PHF21A: variants seen among roughly 807,000 people sequenced by gnomAD.
The protein encoded by PHF21A is PHD finger protein 21A.
In PHF21A, 11 loss-of-function variants were observed where a neutral mutation model predicts 82.5. That is an observed-to-expected ratio of 0.13 (90% CI 0.08 to 0.22). The LOEUF is 0.22. Among genes scored for constraint, PHF21A ranks in the 10% least tolerant of loss-of-function variants. The pLI is 1.00. For missense variants in PHF21A, 579 were observed against 837.8 expected (o/e 0.69, Z 3.81); for synonymous variants, 297 against 302.8 (o/e 0.98, Z 0.20).
intron 6 of PHF21A, among the ~76,000 whole-genome samples, chr11:46,012,663 G>C (rs1401641733): frequency 6.6e-6 from 1 of 152,164 alleles, no homozygotes; most frequent in Admixed American, 6.5e-5. Flanking sequence ...GAACATAGTA[G>C]AGGTAAGTAA....
intron 6 of PHF21A, among the ~76,000 whole-genome samples, chr11:46,070,010 T>C (rs1366640353): frequency 1.3e-5 from 2 of 152,200 alleles, no homozygotes; most frequent in Non-Finnish European, 2.9e-5. Flanking sequence ...GAAAGAGACA[T>C]ATTAAGTTAT....
At chr11:46,070,418 C>T (rs2096643243) in intron 6 of PHF21A, among the ~76,000 whole-genome samples, 1 of 151,948 alleles carries the variant, frequency 6.6e-6, no homozygotes, top group South Asian at 2.1e-4. Context: ...GCAGCCTCTG[C>T]CTCCAGGGTT....
chr11:46,099,346 T>A (rs574174619), intron 1 of PHF21A, among the ~76,000 whole-genome samples: 7 of 152,100 alleles, frequency 4.6e-5, no homozygotes. Flanking sequence ...CCAAGAATAA[T>A]CAGAGTACTT....
At chr11:46,009,378 C>T (rs2095366090) in intron 6 of PHF21A, among the ~76,000 whole-genome samples, 1 of 152,138 alleles carries the variant, frequency 6.6e-6, no homozygotes, top group African/African-American at 2.4e-5. Context: ...AGGGTTCTGA[C>T]ACATTCCATT....
chr11:46,059,407 C>T (rs372240747), intron 6 of PHF21A, among the ~76,000 whole-genome samples: 1 of 152,096 alleles, frequency 6.6e-6, no homozygotes, highest in African/African-American at 2.4e-5. Flanking sequence ...ATAATAAGTA[C>T]AATACCAATC....
chr11:45,950,081 A>C (rs2091899760), intron 12 of PHF21A, 125 bp downstream of exon 12: 3 of 703,678 alleles, frequency 4.3e-6, no homozygotes, highest in South Asian at 4.4e-5. Flanking sequence ...AATAAAGTCC[A>C]CATTGGCTGA....
intron 6 of PHF21A, among the ~76,000 whole-genome samples, chr11:46,056,486 T>C (rs879759122): frequency 2.0e-5 from 3 of 152,106 alleles, no homozygotes; most frequent in Non-Finnish European, 2.9e-5. Flanking sequence ...AGTGAAGATT[T>C]TAAAACAAGA....
chr11:45,986,715 G>C (rs924023049), intron 6 of PHF21A, among the ~76,000 whole-genome samples: 17 of 152,188 alleles, frequency 1.1e-4, no homozygotes, highest in African/African-American at 4.1e-4. Context: ...GAAACTGTCA[G>C]GGGCAATGTG....
chr11:46,023,680 G>C (rs1329944417), intron 6 of PHF21A, among the ~76,000 whole-genome samples: 1 of 152,230 alleles, frequency 6.6e-6, no homozygotes, highest in East Asian at 1.9e-4. Context: ...TGGAGGCCAG[G>C]CGCAGTGGCT....
chr11:45,946,998 T>C (rs959890374), intron 14 of PHF21A, among the ~76,000 whole-genome samples: 2 of 152,214 alleles, frequency 1.3e-5, no homozygotes, highest in Non-Finnish European at 1.5e-5. Flanking sequence ...CCCTCCCCAG[T>C]TGACTGGCAG....
chr11:45,975,661 C>T (rs1416727109), intron 7 of PHF21A, among the ~76,000 whole-genome samples: 1 of 152,106 alleles, frequency 6.6e-6, no homozygotes, highest in Non-Finnish European at 1.5e-5. Flanking sequence ...GGAGAGTATA[C>T]CTGTATTTAA....
chr11:46,061,404 T>C (rs953646217), intron 6 of PHF21A, among the ~76,000 whole-genome samples: 11 of 152,232 alleles, frequency 7.2e-5, no homozygotes, highest in Non-Finnish European at 1.3e-4. Context: ...TTGGACGTTA[T>C]TGCCATTTTA....
chr11:46,042,594 C>T (rs992915780), intron 6 of PHF21A, among the ~76,000 whole-genome samples: 25 of 152,212 alleles, frequency 1.6e-4, no homozygotes, highest in Admixed American at 1.4e-3. Flanking sequence ...ATGACTAGGA[C>T]ATGGTGCTAG....
chr11:46,044,677 A>T (rs1001950554), intron 6 of PHF21A, among the ~76,000 whole-genome samples: 5 of 152,206 alleles, frequency 3.3e-5, no homozygotes, highest in African/African-American at 4.8e-5. Context: ...ATTTCTAAGC[A>T]AACAGGCCAC....
intron 18 of PHF21A, chr11:45,935,161 G>A (rs2088580847): frequency 3.9e-6 from 5 of 1,289,630 alleles, no homozygotes; most frequent in Non-Finnish European, 5.1e-6. Flanking sequence ...CCTCACACTG[G>A]TCAGGAAAAC....
intron 11 of PHF21A, among the ~76,000 whole-genome samples, chr11:45,950,513 A>G (rs1486325502): frequency 6.6e-6 from 1 of 150,398 alleles, no homozygotes; most frequent in African/African-American, 2.5e-5. Context: ...AACACTAATG[A>G]TAGCTGATGA....
At chr11:45,948,858 C>T (rs1487472593) in intron 14 of PHF21A, 28 bp downstream of exon 14, 4 of 1,581,442 alleles carry the variant, frequency 2.5e-6, no homozygotes, top group South Asian at 2.2e-5. Flanking sequence ...GCAACAGCAG[C>T]AAGGGAGAGA....
chr11:46,004,569 ATTCTT>A (rs1211069126), intron 6 of PHF21A, among the ~76,000 whole-genome samples: 1 of 152,206 alleles, frequency 6.6e-6, no homozygotes. Flanking sequence ...AATATTCTCT[ATTCTT>A]TTCTTCAACA....
intron 5 of PHF21A, among the ~76,000 whole-genome samples, 187 bp downstream of exon 5, chr11:46,078,947 A>G (rs2096759529): frequency 1.3e-5 from 2 of 152,154 alleles, no homozygotes. Flanking sequence ...AATAATAGCT[A>G]TATTAAAATA....
Sources: gnomAD v4.1 joint callset for allele counts (sites outside exome capture counted in the v4.1 genomes callset) on GRCh38, gnomAD v4.1.1 for gene constraint, MANE v1.5 for transcripts, NCBI Gene and HGNC (gene_info 2026-07-23, HGNC 2026-07-21) for gene names.